The following TRERF1 variants were observed in gnomAD, a reference collection of about 807,000 sequenced individuals.
The protein encoded by TRERF1 is transcriptional regulating factor 1, also known as transcriptional-regulating factor 1.
TRERF1 carries 27 observed loss-of-function variants against 122.9 expected under a neutral mutation model. The ratio of observed to expected loss-of-function variants is 0.22; its 90% CI spans 0.16 to 0.30. TRERF1 has a LOEUF of 0.30. Ranked by LOEUF, TRERF1 falls within the 10% of genes least tolerant of loss-of-function variation. The pLI, the probability that TRERF1 is intolerant of heterozygous loss-of-function variation, is 1.00. For missense variants in TRERF1, 1,248 were observed against 1,560.3 expected, an observed-to-expected ratio of 0.80 and a Z score of 3.37; for synonymous variants, 636 against 641.7, an observed-to-expected ratio of 0.99 and a Z score of 0.13.
intron 2 of TRERF1, among the ~76,000 whole-genome samples, chr6:42,448,580 G>T (rs928130306): frequency 6.6e-6 from 1 of 152,192 alleles, no homozygotes; most frequent in Non-Finnish European, 1.5e-5. Context: ...GTTGGCTCAG[G>T]AAGAGACTGT....
intron 3 of TRERF1, among the ~76,000 whole-genome samples, chr6:42,332,379 A>G (rs1357328897): frequency 6.6e-6 from 1 of 152,180 alleles, no homozygotes; most frequent in African/African-American, 2.4e-5. Context: ...TATAGACAGA[A>G]AACAACTCAG....
At chr6:42,262,329 C>A (rs925750197) in intron 8 of TRERF1, among the ~76,000 whole-genome samples, 1 of 151,936 alleles carries the variant, frequency 6.6e-6, no homozygotes, top group African/African-American at 2.4e-5. Context: ...CCTGGATTCC[C>A]AGCAGCTACC....
intron 4 of TRERF1, among the ~76,000 whole-genome samples, chr6:42,283,836 G>C (rs557892866): frequency 2.6e-5 from 4 of 151,794 alleles, no homozygotes; most frequent in Non-Finnish European, 5.9e-5. Context: ...GGCTGGTCTC[G>C]AACTCCCAAC....
At chr6:42,399,468 G>C (rs935698685) in intron 2 of TRERF1, among the ~76,000 whole-genome samples, 1 of 152,128 alleles carries the variant, frequency 6.6e-6, no homozygotes, top group Non-Finnish European at 1.5e-5. Flanking sequence ...TGCATGAAAG[G>C]AAGAGGTCCT....
intron 2 of TRERF1, among the ~76,000 whole-genome samples, chr6:42,407,917 G>C (rs759855941): frequency 6.6e-6 from 1 of 150,964 alleles, no homozygotes; most frequent in Admixed American, 6.6e-5. Context: ...TGTCTATCTC[G>C]TATCAAGTGT....
intron 3 of TRERF1, among the ~76,000 whole-genome samples, chr6:42,335,723 C>G (rs1376739613): frequency 1.3e-5 from 2 of 152,170 alleles, no homozygotes; most frequent in African/African-American, 4.8e-5. Flanking sequence ...CTGGTCAGCA[C>G]CTGGTCCAAC....
intron 2 of TRERF1, among the ~76,000 whole-genome samples, chr6:42,435,064 G>C (rs1259516099): frequency 5.3e-5 from 8 of 151,598 alleles, no homozygotes; most frequent in African/African-American, 1.5e-4. Context: ...CCAGGAGGCA[G>C]AGGTTGCAGT....
chr6:42,387,345 C>T (rs1324755175), intron 2 of TRERF1, among the ~76,000 whole-genome samples: 1 of 152,246 alleles, frequency 6.6e-6, no homozygotes, highest in African/African-American at 2.4e-5. Context: ...TCCAAGCCTG[C>T]CTAAGGGCCG....
intron 3 of TRERF1, among the ~76,000 whole-genome samples, chr6:42,345,955 A>G (rs1407347702): frequency 6.6e-6 from 1 of 152,268 alleles, no homozygotes; most frequent in African/African-American, 2.4e-5. Flanking sequence ...CAGCATGGGC[A>G]GGTGCTATGA....
At chr6:42,358,928 A>G (rs1240216544) in intron 3 of TRERF1, among the ~76,000 whole-genome samples, 1 of 152,150 alleles carries the variant, frequency 6.6e-6, no homozygotes, top group Non-Finnish European at 1.5e-5. Flanking sequence ...GCAAGCCCCA[A>G]GTGCAACTAA....
intron 3 of TRERF1, among the ~76,000 whole-genome samples, chr6:42,315,712 C>CG (rs1025964417): frequency 1.3e-4 from 20 of 149,890 alleles, no homozygotes; most frequent in African/African-American, 4.9e-4. Flanking sequence ...CACCACCCCC[C>CG]CCCCCACCCA....
chr6:42,230,812 G>A (rs1033268049), intron 17 of TRERF1, among the ~76,000 whole-genome samples: 1 of 152,138 alleles, frequency 6.6e-6, no homozygotes, highest in Non-Finnish European at 1.5e-5. Flanking sequence ...AGTTCACTTT[G>A]GTGGGTGCCA....
At chr6:42,425,359 C>CCT (rs1322641469) in intron 2 of TRERF1, among the ~76,000 whole-genome samples, 1 of 147,574 alleles carries the variant, frequency 6.8e-6, no homozygotes, top group Non-Finnish European at 1.5e-5. Flanking sequence ...CAGCCCCCAA[C>CCT]CAACCCCCTA....
intron 2 of TRERF1, among the ~76,000 whole-genome samples, chr6:42,389,107 A>G (rs1247379934): frequency 6.6e-6 from 1 of 152,238 alleles, no homozygotes. Flanking sequence ...GGGGGTACTT[A>G]AAAAGAAAAA....
At chr6:42,257,168 T>C in intron 10 of TRERF1, 66 bp from the exon 11 acceptor site, 1 of 1,564,420 alleles carries the variant, frequency 6.4e-7, no homozygotes, top group East Asian at 2.2e-5. Context: ...CAAGGGCAAC[T>C]GTCAGGAACT....
At chr6:42,326,739 A>G (rs1402855372) in intron 3 of TRERF1, among the ~76,000 whole-genome samples, 1 of 152,254 alleles carries the variant, frequency 6.6e-6, no homozygotes, top group African/African-American at 2.4e-5. Flanking sequence ...GGCAAAAATG[A>G]TAGAAAGCAA....
At chr6:42,233,281 CTTTTTTTT>C (rs926204150) in intron 16 of TRERF1, among the ~76,000 whole-genome samples, 4 of 128,984 alleles carry the variant, frequency 3.1e-5, no homozygotes, top group African/African-American at 8.7e-5. Context: ...AGCTTTCAAA[CTTTTTTTT>C]TTTTTTTTTT....
In TRERF1 at chr6:42,254,833, G is replaced by C. The variant is rs761538810; in HGVS notation, c.2656+18C>G. 2.5e-6 allele frequency: 4 copies of C among 1,613,544 alleles called. No individual in the cohort carries two copies. The South Asian group carries it at 4.4e-5, about 18-fold the overall frequency. The stretch of plus-strand genomic sequence containing the variant: ...CGTCGTCAGGAGGCAACAGGACACA[G>C]GGCTCCTGGCAACCTACCGGCATAG... On this transcript the variant is annotated intron_variant, in intron 13 of 17. Coordinates refer to ENST00000372922, the Ensembl canonical transcript of TRERF1.
chr6:42,265,714 G>A (rs754967687), intron 6 of TRERF1, 37 bp downstream of exon 6: 90 of 1,604,116 alleles, frequency 5.6e-5, no homozygotes, highest in Admixed American at 1.5e-4. Flanking sequence ...AATCCTCCCC[G>A]TCTCCCAAAA....
Sources: gnomAD v4.1 joint callset for allele counts (sites outside exome capture counted in the v4.1 genomes callset) on GRCh38, gnomAD v4.1.1 for gene constraint, MANE v1.5 for transcripts, NCBI Gene and HGNC (gene_info 2026-07-23, HGNC 2026-07-21) for gene names.